Variants in PXN observed in about 807,000 individuals in gnomAD.
PXN encodes the protein paxillin, also known as testicular tissue protein Li 134.
A neutral mutation model predicts 103.6 loss-of-function variants in PXN; 61 were observed. The observed-to-expected ratio is 0.59, with a 90% CI of 0.48 to 0.73. The LOEUF (loss-of-function observed/expected upper bound fraction) is 0.73. Among genes scored for constraint, PXN ranks in the 30% least tolerant of loss-of-function variants. The probability of loss-of-function intolerance (pLI) is 0.00; values close to 1 mark genes in which losing one functional copy is unlikely to be tolerated. For missense variants in PXN, 1,274 were observed against 1,460.3 expected (o/e 0.87, Z 2.08); for synonymous variants, 562 against 607.8 (o/e 0.92, Z 1.11).
chr12:120,233,606 C>T (rs1888478559), intron 1 of PXN, among the ~76,000 whole-genome samples: 1 of 152,182 alleles, frequency 6.6e-6, no homozygotes, highest in African/African-American at 2.4e-5. Context: ...GTGCCCGGCC[C>T]TCACAGGCCT....
At position 120,213,366 on chromosome 12, in the gene PXN, T is replaced by C. The variant is rs868767464; in HGVS notation, c.2979+476A>G. On this transcript the variant is annotated intron_variant, in intron 14 of 14. Coordinates refer to ENST00000637617, the MANE Select transcript of PXN (RefSeq NM_001385981.1). The surrounding 1 kb of genome is among the most constrained non-coding windows in gnomAD (Gnocchi z 4.2). Reference sequence around the variant, plus strand: ...CTGCACACCAGTCTGGGCAACAGAGTGAGACTCCGTCTCAAAAAAAGAAAA... The same window carrying C: ...CTGCACACCAGTCTGGGCAACAGAGCGAGACTCCGTCTCAAAAAAAGAAAA... Among the ~76,000 whole-genome samples, 9 of 151,488 alleles carry C rather than the reference T, an allele frequency of 5.9e-5. No homozygotes were observed. The highest frequency in any genetic ancestry group is 3.2e-3 in the Middle Eastern group (1 of 312).
At position 120,212,758 on chromosome 12, in the gene PXN, T is replaced by G. The variant is rs1594320268; in HGVS notation, c.2980-178A>C. On this transcript the variant is annotated intron_variant, in intron 14 of 14. Coordinates refer to ENST00000637617, the MANE Select transcript of PXN (RefSeq NM_001385981.1). The surrounding 1 kb of genome is among the most constrained non-coding windows in gnomAD (Gnocchi z 7.2). ...TTCATTTTTATTTTATTAAATAAAT[T>G]TTTTTTGTAGAGATGGGGGTCTCAC... The G allele has an allele frequency of 8.7e-6, 6 of 692,080 alleles. No homozygotes were observed. The East Asian group carries it at 1.8e-4, about 21-fold the overall frequency. The allele number at this position is 692,080 out of a possible 1,614,324, so 42.9% of individuals were successfully genotyped here. A position where few individuals can be genotyped will look rare whatever the true frequency, so the allele number is the denominator to read the frequency against.
chr12:120,248,204 T>G (rs1407492669), intron 1 of PXN, among the ~76,000 whole-genome samples: 1 of 151,932 alleles, frequency 6.6e-6, no homozygotes. Context: ...AGACTGCTGG[T>G]CTGGGGAACA....
chr12:120,218,949 C>T (rs1056843899), intron 7 of PXN, among the ~76,000 whole-genome samples: 1 of 152,210 alleles, frequency 6.6e-6, no homozygotes, highest in Non-Finnish European at 1.5e-5. Flanking sequence ...AACCATTTCA[C>T]CACATCAGAA....
chr12:120,248,949 C>A (rs1235363910), intron 1 of PXN, among the ~76,000 whole-genome samples: 1 of 151,968 alleles, frequency 6.6e-6, no homozygotes, highest in Non-Finnish European at 1.5e-5. Context: ...CCAGCCTGGC[C>A]AACATGGTGA....
chr12:120,249,861 G>A (rs1404355548), intron 1 of PXN: 30 of 985,416 alleles, frequency 3.0e-5, no homozygotes, highest in African/African-American at 3.5e-5. Context: ...AGACCACCCA[G>A]CTATCCCAAC....
At chr12:120,223,114 G>A (rs534495586) in intron 3 of PXN, 115 bp from the exon 4 acceptor site, 17 of 1,533,630 alleles carry the variant, frequency 1.1e-5, no homozygotes, top group African/African-American at 4.1e-5. Flanking sequence ...GTCTTCCCCC[G>A]CAAGAGGACA....
At position 120,224,229 on chromosome 12, in the gene PXN, G is replaced by A; in HGVS notation, c.162C>T (p.Ser54=). 6.2e-7 allele frequency: 1 copy of A among 1,612,858 alleles called. No individual in the cohort carries two copies. Among genetic ancestry groups the A allele is most frequent in the Non-Finnish European group, 8.5e-7 (1 of 1,179,142 alleles). ...GGATTGTGCCATTGAGGGCCTCGCT[G>A]GACGGGGGTGGGGGGACGGGGGGTG... The part of the protein sequence containing the change: ...AVPPPVPPPP[S]SEALNGTILD... The change falls in exon 2 of 15, where the codon TCC becomes TCT. Residue 54 remains serine (S), a synonymous_variant. Transcript: ENST00000637617. This position sits in a 1 kb window ranked among gnomAD's most constrained non-coding sequence, Gnocchi z 5.0.
At chr12:120,252,809 G>A (rs549059410) in intron 1 of PXN, among the ~76,000 whole-genome samples, 5 of 152,032 alleles carry the variant, frequency 3.3e-5, no homozygotes, top group East Asian at 3.9e-4. Context: ...CAAAAGAAAC[G>A]ACATGTAATG....
At chr12:120,264,027 A>G (rs1210926626) in intron 1 of PXN, among the ~76,000 whole-genome samples, 1 of 148,420 alleles carries the variant, frequency 6.7e-6, no homozygotes, top group Non-Finnish European at 1.5e-5. Context: ...TTTTTATGTG[A>G]AAAAAAAAAA....
intron 1 of PXN, among the ~76,000 whole-genome samples, chr12:120,258,262 G>A (rs868501169): frequency 1.3e-5 from 2 of 151,714 alleles, no homozygotes; most frequent in Non-Finnish European, 2.9e-5. Flanking sequence ...TCCAACCAGA[G>A]TTCGGCATCT....
rs1886711439 is a variant in PXN, at chr12:120,225,800, A to T, written c.14-1423T>A. On this transcript the variant is annotated intron_variant, in intron 1 of 14. Coordinates refer to ENST00000637617, the MANE Select transcript of PXN (RefSeq NM_001385981.1). The surrounding 1 kb of genome is among the most constrained non-coding windows in gnomAD (Gnocchi z 4.4). ...TCCCAGTCCCCCAACCTGTGTTCAG[A>T]GGAGGGAATAGAGAAGCAAGGCCCT... 2 of 153,506 alleles carry T rather than the reference A, an allele frequency of 1.3e-5. No individual in the cohort carries two copies. The allele number at this position is 153,506 out of a possible 1,614,324, so 9.5% of individuals were successfully genotyped here. A position where few individuals can be genotyped will look rare whatever the true frequency, so the allele number is the denominator to read the frequency against.
At position 120,210,997 on chromosome 12, in the gene PXN, G is replaced by A. The variant is rs1348476302; in HGVS notation, c.*1317C>T. 6.6e-6 allele frequency: 1 copy of A among 152,580 alleles called. No homozygotes were observed. The highest frequency in any genetic ancestry group is 1.5e-5 in the Non-Finnish European group (1 of 68,158). 9.5% of individuals were successfully genotyped at this position (152,580 alleles called of 1,614,324 possible). On this transcript the variant is annotated 3_prime_UTR_variant, in exon 15 of 15. Coordinates refer to ENST00000637617, the MANE Select transcript of PXN (RefSeq NM_001385981.1). ...ATCTGGGGAAGGGATATGCCCAGAG[G>A]AAATCAACAAGACCAAAGAGACGTC...
At chr12:120,251,940 A>G (rs996743375) in intron 1 of PXN, among the ~76,000 whole-genome samples, 1 of 152,226 alleles carries the variant, frequency 6.6e-6, no homozygotes, top group African/African-American at 2.4e-5. Context: ...GTTACTGAGC[A>G]CTTTGAAAGT....
At position 120,217,225 on chromosome 12, in the gene PXN, A is replaced by C; in HGVS notation, c.1717-109T>G. The stretch of plus-strand genomic sequence containing the variant: ...AGAGGGAGCACAAAAGAAAACCACC[A>C]AAGAACCAAGCGGAGGTGGGTGGAG... On this transcript the variant is annotated intron_variant, in intron 7 of 14. Coordinates refer to ENST00000637617, the MANE Select transcript of PXN (RefSeq NM_001385981.1). The surrounding 1 kb of genome is among the most constrained non-coding windows in gnomAD (Gnocchi z 4.1). The C allele has an allele frequency of 1.0e-6, 1 of 980,950 alleles. No individual in the cohort carries two copies. The highest frequency in any genetic ancestry group is 1.5e-6 in the Non-Finnish European group (1 of 656,116). The allele number at this position is 980,950 out of a possible 1,614,324, so 60.8% of individuals were successfully genotyped here. A position where few individuals can be genotyped will look rare whatever the true frequency, so the allele number is the denominator to read the frequency against.
intron 1 of PXN, among the ~76,000 whole-genome samples, chr12:120,264,875 T>C (rs1274590006): frequency 6.6e-6 from 1 of 151,776 alleles, no homozygotes; most frequent in African/African-American, 2.4e-5. Flanking sequence ...GGTCTGTGAA[T>C]TGAGGGGCTG....
chr12:120,224,170 G>T lies in PXN; in HGVS notation c.221C>A (p.Ser74Tyr), dbSNP rs752818425. 2 of 1,590,784 alleles carry T rather than the reference G, an allele frequency of 1.3e-6. No individual in the cohort carries two copies. The highest frequency in any genetic ancestry group is 4.6e-5 in the East Asian group (2 of 43,938). Residue 74 changes from serine (S) to tyrosine (Y), a missense_variant, in exon 2 of 15, where the codon TCC (serine) becomes TAC (tyrosine). Ser to Tyr is a moderately radical substitution (Grantham distance 144, BLOSUM62 -2). Around this residue, in one of 2 missense-constraint regions of PXN, gnomAD observed 1,178 missense variants for 1,309.0 expected, o/e 0.90. Transcript: ENST00000637617. The surrounding 1 kb of genome is among the most constrained non-coding windows in gnomAD (Gnocchi z 5.0). The part of the protein sequence containing the change: ...DPLDQWQPSS[S>Y]RFIHQQPQSS... Reference sequence around the variant, plus strand: ...CCTCACCTGCTGGTGGATGAATCGGGAGCTGCTGGGCTGCCACTGGTCTAA... The same window carrying T: ...CCTCACCTGCTGGTGGATGAATCGGTAGCTGCTGGGCTGCCACTGGTCTAA...
At chr12:120,241,113 A>T (rs1410273947) in intron 1 of PXN, among the ~76,000 whole-genome samples, 2 of 152,140 alleles carry the variant, frequency 1.3e-5, no homozygotes, top group Admixed American at 6.5e-5. Context: ...TACTCTGGGG[A>T]GAGATCCCAA....
In PXN at chr12:120,211,645, A is replaced by G. The variant is rs1880199951; in HGVS notation, c.*669T>C. 3.4e-6 allele frequency: 1 copy of G among 295,946 alleles called. No homozygotes were observed. Among genetic ancestry groups the G allele is most frequent in the Admixed American group, 4.1e-5 (1 of 24,538 alleles). 18.3% of individuals were successfully genotyped at this position (295,946 alleles called of 1,614,324 possible). Reference sequence around the variant, plus strand: ...AGTGTCCAGGCACGCCGTCCCGGAGACGGAGGAAGTGACTAGAAAACATTA... The same window carrying G: ...AGTGTCCAGGCACGCCGTCCCGGAGGCGGAGGAAGTGACTAGAAAACATTA... On this transcript the variant is annotated 3_prime_UTR_variant, in exon 15 of 15. Transcript: ENST00000637617.
Sources: gnomAD v4.1 joint callset for allele counts (sites outside exome capture counted in the v4.1 genomes callset) on GRCh38, gnomAD v4.1.1 for gene constraint, gnomAD v4.1.1 regional missense constraint, Gnocchi (gnomAD v3.1) non-coding constraint, MANE v1.5 for transcripts, NCBI Gene and HGNC (gene_info 2026-07-23, HGNC 2026-07-21) for gene names.